Variants in FAM167A observed in about 807,000 individuals in gnomAD.
FAM167A encodes family with sequence similarity 167 member A, also known as protein FAM167A.
A neutral mutation model predicts 14.9 loss-of-function variants in FAM167A; 23 were observed. The ratio of observed to expected loss-of-function variants is 1.55; its 90% confidence interval spans 1.11 to 2.19. The LOEUF is 2.19. Among genes scored for constraint, FAM167A ranks in the 30% most tolerant of loss-of-function variants. The pLI is 0.00. For missense variants in FAM167A, 401 were observed against 281.5 expected (o/e 1.42, Z -3.04); for synonymous variants, 174 against 117.7 (o/e 1.48, Z -3.10).
rs1221074626 is a variant in FAM167A, at chr8:11,445,471, A to C, written c.-397-663T>G. On this transcript the variant is annotated intron_variant, in intron 1 of 2. Coordinates refer to ENST00000284486, the MANE Select transcript of FAM167A (RefSeq NM_053279.3). ...TAAACCTGCAGCTGTGGAGGGAAGAAGGCGGTGGCACCTGGGCTGGATGGC... is the reference window on the plus strand; with the variant it reads ...TAAACCTGCAGCTGTGGAGGGAAGACGGCGGTGGCACCTGGGCTGGATGGC... 3 of 985,788 alleles carry C rather than the reference A, an allele frequency of 3.0e-6. No homozygotes were observed. The African/African-American group carries it at 5.2e-5, about 17-fold the overall frequency. The allele number at this position is 985,788 out of a possible 1,614,324, so 61.1% of individuals were successfully genotyped here.
chr8:11,446,269 G>A (rs1334635734), intron 1 of FAM167A: 1 of 152,222 alleles, frequency 6.6e-6, no homozygotes, highest in Non-Finnish European at 1.5e-5. Flanking sequence ...CCTGTGGTGG[G>A]GATGTGAATG....
At chr8:11,455,877 G>GGA (rs1807247059) in intron 1 of FAM167A, among the ~76,000 whole-genome samples, 2 of 118,906 alleles carry the variant, frequency 1.7e-5, no homozygotes, top group African/African-American at 6.4e-5. Context: ...TGTGAGTGTG[G>GGA]GGTGGTTGCC....
chr8:11,454,815 G>A (rs1807164160), intron 1 of FAM167A, among the ~76,000 whole-genome samples: 1 of 152,184 alleles, frequency 6.6e-6, no homozygotes, highest in Admixed American at 6.5e-5. Context: ...ACAGGACTGG[G>A]CTGGCCTCTG....
chr8:11,441,494 G>T (rs573327104), intron 2 of FAM167A, among the ~76,000 whole-genome samples: 1 of 152,232 alleles, frequency 6.6e-6, no homozygotes, highest in East Asian at 1.9e-4. Context: ...TGCTCTGAGA[G>T]ATTCTCTATC....
rs76808581 is a variant in FAM167A at position 11,454,323 on chromosome 8, G to A, written c.-397-9515C>T. 9.2e-3 allele frequency among the ~76,000 whole-genome samples: 1,400 copies of A among 152,344 alleles called. 6 individuals are homozygous for A. Among genetic ancestry groups the A allele is most frequent in the Middle Eastern group, 0.041 (12 of 294 alleles). ...CTAAAACTCCACATCAGAGAGACTC[G>A]TGGCTTCACTCAAGGACAGCATCTC... On this transcript the variant is annotated intron_variant, in intron 1 of 2. Coordinates refer to ENST00000284486, the MANE Select transcript of FAM167A (RefSeq NM_053279.3).
At chr8:11,452,864 G>A (rs540104216) in intron 1 of FAM167A, among the ~76,000 whole-genome samples, 49 of 152,284 alleles carry the variant, frequency 3.2e-4, no homozygotes, top group Middle Eastern at 3.4e-3. Context: ...AGAGTTCACC[G>A]AGCATCAGCA....
chr8:11,430,914 T>G (rs540372631), intron 2 of FAM167A, among the ~76,000 whole-genome samples: 1 of 152,324 alleles, frequency 6.6e-6, no homozygotes, highest in Non-Finnish European at 1.5e-5. Flanking sequence ...CCTGGGGATT[T>G]TCCTGGGGAG....
intron 1 of FAM167A, among the ~76,000 whole-genome samples, chr8:11,456,390 T>TGTGA (rs1585274543): frequency 1.9e-5 from 1 of 53,272 alleles, no homozygotes; most frequent in East Asian, 4.6e-4. Flanking sequence ...CTGCCTGGTG[T>TGTGA]GTGTGTGAGT....
chr8:11,443,265 A>T (rs957893359), intron 2 of FAM167A, among the ~76,000 whole-genome samples: 1 of 152,084 alleles, frequency 6.6e-6, no homozygotes. Context: ...CTGCCCCCCC[A>T]CCCTGTTCTC....
At chr8:11,451,009 T>G (rs1335267588) in intron 1 of FAM167A, among the ~76,000 whole-genome samples, 1 of 152,250 alleles carries the variant, frequency 6.6e-6, no homozygotes, top group Non-Finnish European at 1.5e-5. Context: ...GAGGGCCTCC[T>G]TGGAGTCCAG....
chr8:11,439,612 AGGGAGGAGACTGC>A (rs1806304649), intron 2 of FAM167A, among the ~76,000 whole-genome samples: 1 of 151,946 alleles, frequency 6.6e-6, no homozygotes, highest in Non-Finnish European at 1.5e-5. Flanking sequence ...GTGCGGGGGG[AGGGAGGAGACTGC>A]GGGAGGAGGG....
Position 11,453,470 on chromosome 8 carries a change from C to A in FAM167A, c.-397-8662G>T, listed in dbSNP as rs554799149. Among the ~76,000 whole-genome samples the A allele has an allele frequency of 4.6e-5, 7 of 152,194 alleles. No individual in the cohort carries two copies. In the South Asian group the frequency reaches 1.5e-3, roughly 32 times the overall value. ...TGTGAAGTATGCACTATGATTGTCC[C>A]ATTACACAGATGAAGAGACCGAGGC... On this transcript the variant is annotated intron_variant, in intron 1 of 2. Transcript: ENST00000284486.
rs567324916 is a variant in FAM167A at position 11,431,711 on chromosome 8, G to A, written c.382-7075C>T. On this transcript the variant is annotated intron_variant, in intron 2 of 2. Coordinates refer to ENST00000284486, the MANE Select transcript of FAM167A (RefSeq NM_053279.3). ...CAGCCTGCCTGCAGCAAGCGTGGCC[G>A]CAGGTGCTGGGGAATGGGGGCCCAG... 2.0e-3 allele frequency among the ~76,000 whole-genome samples: 307 copies of A among 151,904 alleles called. 2 individuals carry two copies. The highest frequency in any genetic ancestry group is 7.2e-3 in the African/African-American group (297 of 41,436).
In FAM167A at chr8:11,424,388, C is replaced by A. The variant is rs769766563; in HGVS notation, c.630G>T (p.Arg210Ser). Reference sequence around the variant, plus strand: ...TGAGGGCTCCTCAGCAGAGAGAGAACCTCCGAGAGTTGATGTTCATCTTGG... The same window carrying A: ...TGAGGGCTCCTCAGCAGAGAGAGAAACTCCGAGAGTTGATGTTCATCTTGG... ...GVTKMNINSR[R>S]FSLC Residue 210 changes from arginine (R) to serine (S), a missense_variant, in exon 3 of 3, where the codon AGG becomes AGT. Physicochemically the swap from Arg to Ser is moderately radical, Grantham distance 110. Coordinates refer to ENST00000284486, the MANE Select transcript of FAM167A (RefSeq NM_053279.3). 3 of 1,614,090 alleles carry A rather than the reference C, an allele frequency of 1.9e-6. No individual in the cohort carries two copies. Among genetic ancestry groups the A allele is most frequent in the Admixed American group, 1.7e-5 (1 of 60,014 alleles).
rs1032726890 is a variant in FAM167A at position 11,422,635 on chromosome 8, A to G, written c.*1738T>C. The G allele has an allele frequency of 2.6e-5, 4 of 152,364 alleles. No individual in the cohort carries two copies. The highest frequency in any genetic ancestry group is 9.6e-5 in the African/African-American group (4 of 41,456). 9.4% of individuals were successfully genotyped at this position (152,364 alleles called of 1,614,324 possible). ...TTCTGGCTCTTTGAAATTTTAAAAAAGAGACCAAGTTCTTTTCTGTCTACT... is the reference window on the plus strand; with the variant it reads ...TTCTGGCTCTTTGAAATTTTAAAAAGGAGACCAAGTTCTTTTCTGTCTACT... On this transcript the variant is annotated 3_prime_UTR_variant, in exon 3 of 3. Coordinates refer to ENST00000284486, the MANE Select transcript of FAM167A (RefSeq NM_053279.3).
At chr8:11,435,767 G>A (rs897680817) in intron 2 of FAM167A, among the ~76,000 whole-genome samples, 1 of 152,222 alleles carries the variant, frequency 6.6e-6, no homozygotes, top group African/African-American at 2.4e-5. Context: ...TCTGCTACAT[G>A]AGCATAATAG....
Position 11,444,597 on chromosome 8 carries a change from G to A in FAM167A, c.-186C>T, listed in dbSNP as rs865794028. On this transcript the variant is annotated 5_prime_UTR_variant, in exon 2 of 3. Transcript: ENST00000284486. ...GCTGAGAGGGACCGCGCAGTGAGCC[G>A]CACAGGGCGCCCTCCTGGAGGCTCG... 17 of 1,403,846 alleles carry A rather than the reference G, an allele frequency of 1.2e-5. No homozygotes were observed. The highest frequency in any genetic ancestry group is 1.6e-5 in the Non-Finnish European group (17 of 1,085,792). The allele number at this position is 1,403,846 out of a possible 1,614,324, so 87.0% of individuals were successfully genotyped here. A position where few individuals can be genotyped will look rare whatever the true frequency, so the allele number is the denominator to read the frequency against.
At chr8:11,436,107 G>A (rs746966415) in intron 2 of FAM167A, among the ~76,000 whole-genome samples, 1 of 152,236 alleles carries the variant, frequency 6.6e-6, no homozygotes. Context: ...CAACTGTACT[G>A]CCTGTCACAC....
intron 2 of FAM167A, among the ~76,000 whole-genome samples, chr8:11,437,151 T>G (rs1360230775): frequency 6.6e-6 from 1 of 152,144 alleles, no homozygotes; most frequent in Non-Finnish European, 1.5e-5. Context: ...TATAGCATGG[T>G]GGGTGAATCC....
Sources: gnomAD v4.1 joint callset for allele counts (sites outside exome capture counted in the v4.1 genomes callset) on GRCh38, gnomAD v4.1.1 for gene constraint, MANE v1.5 for transcripts, NCBI Gene and HGNC (gene_info 2026-07-23, HGNC 2026-07-21) for gene names.